The following PCDHGA5 variants were observed in gnomAD, a reference collection of about 807,000 sequenced individuals.
PCDHGA5 encodes protocadherin gamma-A5.
Under a neutral mutation model 56.7 loss-of-function variants are expected in PCDHGA5, and 36 were observed. The observed-to-expected ratio is 0.64, with a 90% CI of 0.49 to 0.84. The LOEUF is 0.84. Ranked by LOEUF, PCDHGA5 falls within the 40% of genes least tolerant of loss-of-function variation. The pLI is 0.00. For missense variants in PCDHGA5, 1,305 were observed against 1,201.5 expected (o/e 1.09, Z -1.27); for synonymous variants, 563 against 520.2 (o/e 1.08, Z -1.12).
intron 1 of PCDHGA5, among the ~76,000 whole-genome samples, chr5:141,452,578 C>T (rs2098744735): frequency 6.6e-6 from 1 of 152,150 alleles, no homozygotes; most frequent in African/African-American, 2.4e-5. Flanking sequence ...TCCCCCTTTC[C>T]ATCTTTGTAT....
chr5:141,433,208 C>CA, intron 1 of PCDHGA5: 1 of 1,293,080 alleles, frequency 7.7e-7, no homozygotes, highest in Non-Finnish European at 1.1e-6. Context: ...AATCTTCTTT[C>CA]TTTTTTTTTT....
At position 141,487,194 on chromosome 5, in the gene PCDHGA5, C is replaced by T. The variant is rs148502966; in HGVS notation, c.2422-7613C>T. 2 of 1,613,868 alleles carry T rather than the reference C, an allele frequency of 1.2e-6. No homozygotes were observed. The highest frequency in any genetic ancestry group is 1.3e-5 in the African/African-American group (1 of 75,030). On this transcript the variant is annotated intron_variant, in intron 1 of 3. Coordinates refer to ENST00000518069, the MANE Select transcript of PCDHGA5 (RefSeq NM_018918.3). The surrounding 1 kb of genome is among the most constrained non-coding windows in gnomAD (Gnocchi z 5.0). ...GAGGAAGACACTCATCCAGTTGTCC[C>T]AGATCTTCGAGAATCTTCAGCTCCA... is the stretch of plus-strand genomic sequence containing the variant.
rs1400778058 is a variant in PCDHGA5 at position 141,366,688 on chromosome 5, G to A, written c.2358G>A (p.Glu786=). The A allele has an allele frequency of 6.2e-6, 10 of 1,614,136 alleles. No individual in the cohort carries two copies. The Admixed American group carries it at 1.2e-4, about 19-fold the overall frequency. ...ADTLLSEESC[E]KSEPLLMSDK... The stretch of plus-strand genomic sequence containing the variant: ...CGCTCCTTAGTGAAGAGAGCTGTGA[G>A]AAAAGCGAGCCTCTTCTGATGTCTG... Residue 786 remains glutamate (E), a synonymous_variant, in exon 1 of 4, where the codon GAG becomes GAA. Coordinates refer to ENST00000518069, the MANE Select transcript of PCDHGA5 (RefSeq NM_018918.3).
intron 3 of PCDHGA5, among the ~76,000 whole-genome samples, chr5:141,508,742 C>A (rs955179947): frequency 2.0e-5 from 3 of 151,998 alleles, no homozygotes; most frequent in Admixed American, 6.6e-5. Context: ...CCCCCCACCC[C>A]GCTCTTTCTC....
At chr5:141,438,960 C>A (rs1398478011) in intron 1 of PCDHGA5, among the ~76,000 whole-genome samples, 1 of 151,940 alleles carries the variant, frequency 6.6e-6, no homozygotes, top group Non-Finnish European at 1.5e-5. Flanking sequence ...GCCACCGCAC[C>A]CTGCCAACTG....
chr5:141,409,781 G>A lies in PCDHGA5; in HGVS notation c.2421+43030G>A, dbSNP rs753415525. On this transcript the variant is annotated intron_variant, in intron 1 of 3. Transcript: ENST00000518069. ...CGCCTTTGATCACGAGCAGCTGCGC[G>A]CCTTCGCGCTCACGCTGCAGGCCCG... is the stretch of plus-strand genomic sequence containing the variant. The A allele has an allele frequency of 8.7e-6, 14 of 1,612,178 alleles. No individual in the cohort carries two copies. The highest frequency in any genetic ancestry group is 6.7e-5 in the Admixed American group (4 of 59,882).
intron 1 of PCDHGA5, chr5:141,423,720 A>T: frequency 3.1e-6 from 3 of 957,770 alleles, no homozygotes; most frequent in Admixed American, 5.5e-5. Context: ...TTTTAAGGAG[A>T]TGTTTTTTGA....
Position 141,365,100 on chromosome 5 carries a change from T to C in PCDHGA5, c.770T>C (p.Val257Ala), listed in dbSNP as rs1763736772. The C allele has an allele frequency of 3.1e-6, 5 of 1,613,846 alleles. No homozygotes were observed. The East Asian group carries it at 1.1e-4, about 36-fold the overall frequency. Reference protein sequence around the residue: ...YSVSVPENIPVGTRLLMLTAT... With the variant: ...YSVSVPENIPAGTRLLMLTAT... Reference sequence around the variant, plus strand: ...GTGAGTGTTCCAGAGAACATACCTGTGGGCACTCGGCTGCTCATGCTAACC... The same window carrying C: ...GTGAGTGTTCCAGAGAACATACCTGCGGGCACTCGGCTGCTCATGCTAACC... The change falls in exon 1 of 4, where the codon GTG (valine) becomes GCG (alanine). Residue 257 changes from valine to alanine, a missense_variant. By Grantham distance (64) the Val-to-Ala change is moderately conservative. Coordinates refer to ENST00000518069, the MANE Select transcript of PCDHGA5 (RefSeq NM_018918.3).
intron 1 of PCDHGA5, chr5:141,383,327 T>G (rs576010988): frequency 1.2e-6 from 2 of 1,613,978 alleles, no homozygotes; most frequent in South Asian, 2.2e-5. Context: ...GTAAAAATAA[T>G]GGAGAATACA....
chr5:141,368,061 A>G (rs781457436), intron 1 of PCDHGA5, among the ~76,000 whole-genome samples: 21 of 152,326 alleles, frequency 1.4e-4, no homozygotes, highest in Admixed American at 3.3e-4. Flanking sequence ...AAGAACTACT[A>G]TATTTCCCTT....
chr5:141,409,480 C>G, intron 1 of PCDHGA5: 1 of 1,614,002 alleles, frequency 6.2e-7, no homozygotes, highest in Non-Finnish European at 8.5e-7. Context: ...TAGCCACTGA[C>G]AGGGGCAAGC....
chr5:141,372,444 C>A (rs756100994), intron 1 of PCDHGA5: 1 of 1,614,058 alleles, frequency 6.2e-7, no homozygotes, highest in Non-Finnish European at 8.5e-7. Flanking sequence ...TCCCTCTGAC[C>A]CTCAGGCGGA....
At chr5:141,407,910 G>A in intron 1 of PCDHGA5, 1 of 428,786 alleles carries the variant, frequency 2.3e-6, no homozygotes, top group Non-Finnish European at 4.1e-6. Flanking sequence ...GAAAAACCGG[G>A]CTGCTGTCCC....
In PCDHGA5 at chr5:141,364,801, G is replaced by A; in HGVS notation, c.471G>A (p.Ala157=). ...AAGTRLVLPF[A]RDADVGVNSL... ...GGACACGGTTAGTGCTTCCCTTCGC[G>A]CGGGATGCGGATGTGGGTGTGAACT... is the stretch of plus-strand genomic sequence containing the variant. Residue 157 remains alanine (A), a synonymous_variant, in exon 1 of 4, where the codon GCG becomes GCA. Transcript: ENST00000518069. 2 of 1,613,992 alleles carry A rather than the reference G, an allele frequency of 1.2e-6. No individual in the cohort carries two copies. The highest frequency in any genetic ancestry group is 1.7e-6 in the Non-Finnish European group (2 of 1,179,886).
chr5:141,511,342 C>T lies in PCDHGA5; in HGVS notation c.*169C>T. On this transcript the variant is annotated 3_prime_UTR_variant, in exon 4 of 4. Transcript: ENST00000518069. The stretch of plus-strand genomic sequence containing the variant: ...AACAAGTGCCCAGTCAGCACCTACC[C>T]CTTCCCCCCCAGGGGGTTGAATATG... The T allele has an allele frequency of 7.0e-7, 1 of 1,425,078 alleles. No individual in the cohort carries two copies. Among genetic ancestry groups the T allele is most frequent in the East Asian group, 2.5e-5 (1 of 40,014 alleles). 88.3% of individuals were successfully genotyped at this position (1,425,078 alleles called of 1,614,324 possible). A position where few individuals can be genotyped will look rare whatever the true frequency, so the allele number is the denominator to read the frequency against.
intron 1 of PCDHGA5, among the ~76,000 whole-genome samples, chr5:141,474,672 T>C (rs1203448521): frequency 2.0e-5 from 3 of 152,228 alleles, no homozygotes; most frequent in Non-Finnish European, 4.4e-5. Flanking sequence ...ACCTAACCTA[T>C]GTGCCTACCC....
At chr5:141,422,498 C>G in intron 1 of PCDHGA5, 1 of 1,613,966 alleles carries the variant, frequency 6.2e-7, no homozygotes. Context: ...ATAACGTTGA[C>G]AGCCACAGAC....
chr5:141,462,070 G>C lies in PCDHGA5; in HGVS notation c.2422-32737G>C, dbSNP rs572217894. Among the ~76,000 whole-genome samples, 18 of 152,196 alleles carry C rather than the reference G, an allele frequency of 1.2e-4. No individual in the cohort carries two copies. In the South Asian group the frequency reaches 3.7e-3, roughly 32 times the overall value. On this transcript the variant is annotated intron_variant, in intron 1 of 3. Coordinates refer to ENST00000518069, the MANE Select transcript of PCDHGA5 (RefSeq NM_018918.3). ...ACTCCCGACCTCAGGTGATCTGCCC[G>C]CCTTGGCCTCCCAAAATGCTGGGAT...
chr5:141,383,107 G>A, intron 1 of PCDHGA5: 1 of 1,614,032 alleles, frequency 6.2e-7, no homozygotes, highest in South Asian at 1.1e-5. Context: ...CATCTCCAGA[G>A]GTAGGACGCA....
Sources: gnomAD v4.1 joint callset for allele counts (sites outside exome capture counted in the v4.1 genomes callset) on GRCh38, gnomAD v4.1.1 for gene constraint, Gnocchi (gnomAD v3.1) non-coding constraint, MANE v1.5 for transcripts, NCBI Gene and HGNC (gene_info 2026-07-23, HGNC 2026-07-21) for gene names.